DNAH1: variants seen among roughly 807,000 people sequenced by gnomAD.
DNAH1 encodes the protein axonemal beta dynein heavy chain 1.
A neutral mutation model predicts 484.3 loss-of-function variants in DNAH1; 327 were observed. That is an observed-to-expected ratio of 0.68 (90% CI 0.62 to 0.74). DNAH1 has a LOEUF of 0.74. Among genes scored for constraint, DNAH1 ranks in the 30% least tolerant of loss-of-function variants. The probability of loss-of-function intolerance (pLI) is 0.00; values close to 1 mark genes in which losing one functional copy is unlikely to be tolerated. For synonymous variants in DNAH1, 2,192 were observed against 2,191.9 expected, an observed-to-expected ratio of 1.00 and a Z score of 0.00; for missense variants, 5,052 against 5,546.8, an observed-to-expected ratio of 0.91 and a Z score of 2.83.
chr3:52,322,347 A>G (rs1701177656), intron 1 of DNAH1, 62 bp from the exon 2 acceptor site: 2 of 1,168,910 alleles, frequency 1.7e-6, no homozygotes, highest in Non-Finnish European at 2.4e-6. Context: ...CTAGGCATCC[A>G]TGTGTCTCGG....
chr3:52,360,665 G>A (rs1702816779), intron 28 of DNAH1, among the ~76,000 whole-genome samples: 1 of 152,214 alleles, frequency 6.6e-6, no homozygotes. Context: ...CGGTGGTAAT[G>A]AGAATTTCAT....
intron 48 of DNAH1, among the ~76,000 whole-genome samples, chr3:52,380,377 A>G (rs577624878): frequency 6.6e-6 from 1 of 151,892 alleles, no homozygotes; most frequent in Admixed American, 6.5e-5. Context: ...CTCTAGACAC[A>G]GGGGCAATCA....
intron 2 of DNAH1, among the ~76,000 whole-genome samples, chr3:52,323,332 AAG>A (rs1465665645): frequency 7.2e-5 from 11 of 151,866 alleles, no homozygotes; most frequent in South Asian, 2.1e-4. Context: ...GGGCAGGGAA[AAG>A]AGAGGGGGGA....
chr3:52,340,634 C>T (rs1324401566), intron 8 of DNAH1, among the ~76,000 whole-genome samples: 1 of 151,318 alleles, frequency 6.6e-6, no homozygotes, highest in African/African-American at 2.4e-5. Flanking sequence ...GGGGCTTCAC[C>T]ATGTTGGCCA....
chr3:52,327,652 C>T (rs1202016013), intron 5 of DNAH1, among the ~76,000 whole-genome samples: 1 of 152,128 alleles, frequency 6.6e-6, no homozygotes, highest in South Asian at 2.1e-4. Flanking sequence ...AGGGTTTCAC[C>T]CAACCAGATG....
chr3:52,384,969 C>T lies in DNAH1; in HGVS notation c.8506C>T (p.Leu2836Phe), dbSNP rs1704035224. The T allele has an allele frequency of 1.2e-6, 2 of 1,612,480 alleles. No individual in the cohort carries two copies. Among genetic ancestry groups the T allele is most frequent in the Admixed American group, 1.7e-5 (1 of 59,860 alleles). ...TGCCAAGAACCGCATGAAGAGCGGC[C>T]TCGACAAGGTGGGCCCAGGCGAGTC... The part of the protein sequence containing the change: ...KTAKNRMKSG[L>F]DKLLRTSEDV... Residue 2836 changes from leucine (L) to phenylalanine (F), a missense_variant, in exon 53 of 78, where the codon CTC becomes TTC. Physicochemically the swap from Leu to Phe is conservative, Grantham distance 22 (BLOSUM62 0). Transcript: ENST00000420323.
In DNAH1 at chr3:52,349,374, C is replaced by A. The variant is rs762854710; in HGVS notation, c.2480C>A (p.Ser827Tyr). Residue 827 changes from serine to tyrosine, a missense_variant, in exon 14 of 78, where the codon TCC becomes TAC. Ser to Tyr is a moderately radical substitution (Grantham distance 144). Around this residue, in one of 4 missense-constraint regions of DNAH1, gnomAD observed 1,263 missense variants for 1,218.8 expected, o/e 1.04. Coordinates refer to ENST00000420323, the MANE Select transcript of DNAH1 (RefSeq NM_015512.5). ...AAGAAACGCAAGGCCCTGGCCACTT[C>A]CGTGCTGGACATCCTTGCCAAGAAC... ...LSKKRKALAT[S>Y]VLDILAKNLH... The A allele has an allele frequency of 6.2e-7, 1 of 1,613,998 alleles. No homozygotes were observed. The highest frequency in any genetic ancestry group is 1.7e-5 in the Admixed American group (1 of 60,028).
chr3:52,400,269 C>T, intron 77 of DNAH1, 56 bp from the exon 78 acceptor site: 1 of 1,606,110 alleles, frequency 6.2e-7, no homozygotes, highest in Non-Finnish European at 8.5e-7. Flanking sequence ...CCTACGCTAT[C>T]CCTGCTAGTA....
At chr3:52,354,755 C>T (rs928075357) in intron 20 of DNAH1, 88 bp from the exon 21 acceptor site, 5 of 1,353,188 alleles carry the variant, frequency 3.7e-6, no homozygotes, top group African/African-American at 1.4e-5. Context: ...TGGCCAGGTA[C>T]TGTCTGCTGC....
At position 52,388,895 on chromosome 3, in the gene DNAH1, C is replaced by T; in HGVS notation, c.9453C>T (p.Val3151=). 6.2e-7 allele frequency: 1 copy of T among 1,612,582 alleles called. No individual in the cohort carries two copies. The highest frequency in any genetic ancestry group is 8.5e-7 in the Non-Finnish European group (1 of 1,178,948). ...TGCTCAACAACATCTCCGGCGATGT[C>T]CTGGTGGCCGCTGGCTTTGTGGCCT... is the stretch of plus-strand genomic sequence containing the variant. ...QYMLNNISGD[V]LVAAGFVAYL... The change falls in exon 59 of 78, where the codon GTC becomes GTT. Residue 3151 remains valine, a synonymous_variant. Transcript: ENST00000420323.
intron 44 of DNAH1, chr3:52,374,429 C>T (rs1182449724): frequency 6.0e-5 from 80 of 1,327,406 alleles, no homozygotes; most frequent in Non-Finnish European, 5.4e-6. Flanking sequence ...TGACACTTCT[C>T]AAATGCTGGC....
In DNAH1 at chr3:52,388,297, A is replaced by G; in HGVS notation, c.9134A>G (p.Lys3045Arg). ...SICQWVRAMH[K>R]YHFVAKAVEP... Reference sequence around the variant, plus strand: ...TGCCAGTGGGTGCGCGCCATGCACAAGTACCACTTTGTGGCCAAGGCCGTG... The same window carrying G: ...TGCCAGTGGGTGCGCGCCATGCACAGGTACCACTTTGTGGCCAAGGCCGTG... The change falls in exon 57 of 78, where the codon AAG (lysine) becomes AGG (arginine). Residue 3045 changes from lysine (K) to arginine (R), a missense_variant. Coordinates refer to ENST00000420323, the MANE Select transcript of DNAH1 (RefSeq NM_015512.5). 1.2e-6 allele frequency: 2 copies of G among 1,602,642 alleles called. No individual in the cohort carries two copies. Among genetic ancestry groups the G allele is most frequent in the Non-Finnish European group, 8.5e-7 (1 of 1,174,770 alleles).
chr3:52,361,295 A>G lies in DNAH1; in HGVS notation c.4817A>G (p.Asn1606Ser), dbSNP rs370587491. Residue 1606 changes from asparagine to serine, a missense_variant, in exon 29 of 78, where the codon AAC (asparagine) becomes AGC (serine). Transcript: ENST00000420323. This position sits in a 1 kb window ranked among gnomAD's most constrained non-coding sequence, Gnocchi z 5.6. ...KALAIQTVVFNCSDQLDFMAM... is the reference protein window; with the variant it reads ...KALAIQTVVFSCSDQLDFMAM... ...TTGGCCATACAGACCGTTGTGTTCA[A>G]CTGCTCTGACCAGCTCGACTTCATG... The G allele has an allele frequency of 6.2e-7, 1 of 1,610,122 alleles. No individual in the cohort carries two copies. The highest frequency in any genetic ancestry group is 8.5e-7 in the Non-Finnish European group (1 of 1,178,348).
chr3:52,381,715 A>G lies in DNAH1; in HGVS notation c.7684A>G (p.Met2562Val), dbSNP rs1043256830. The change falls in exon 49 of 78, where the codon ATG (methionine) becomes GTG (valine). Residue 2562 changes from methionine to valine, a missense_variant. Coordinates refer to ENST00000420323, the MANE Select transcript of DNAH1 (RefSeq NM_015512.5). This position sits in a 1 kb window ranked among gnomAD's most constrained non-coding sequence, Gnocchi z 4.1. ...GGCCAAGCTGAAGCTGGTCCTCTTC[A>G]TGGACGCCATGAGCCACATCTGTCG... is the stretch of plus-strand genomic sequence containing the variant. ...NTAKLKLVLF[M>V]DAMSHICRIS... 7.5e-6 allele frequency: 12 copies of G among 1,606,434 alleles called. No individual in the cohort carries two copies. The highest frequency in any genetic ancestry group is 1.0e-5 in the Non-Finnish European group (12 of 1,177,128).
intron 53 of DNAH1, 78 bp downstream of exon 53, chr3:52,385,055 A>T: frequency 6.8e-7 from 1 of 1,472,702 alleles, no homozygotes; most frequent in Non-Finnish European, 9.1e-7. Flanking sequence ...CTCCAGGGTG[A>T]CACCATGCTC....
At chr3:52,390,748 G>T (rs1227205529) in intron 60 of DNAH1, among the ~76,000 whole-genome samples, 187 bp from the exon 61 acceptor site, 1 of 152,232 alleles carries the variant, frequency 6.6e-6, no homozygotes, top group Non-Finnish European at 1.5e-5. Context: ...CAGCCCAGGA[G>T]CGAGGGAGAG....
chr3:52,374,939 A>T, intron 44 of DNAH1: 1 of 559,276 alleles, frequency 1.8e-6, no homozygotes, highest in South Asian at 1.7e-5. Context: ...AAATGTTTTT[A>T]TAAGATAGGA....
intron 35 of DNAH1, 48 bp downstream of exon 35, chr3:52,366,596 AGG>A: frequency 6.4e-7 from 1 of 1,560,846 alleles, no homozygotes; most frequent in Non-Finnish European, 8.7e-7. Flanking sequence ...GTGGGCCTGT[AGG>A]GGGGTGCAGC....
At position 52,323,822 on chromosome 3, in the gene DNAH1, C is replaced by A. The variant is rs779186461; in HGVS notation, c.348C>A (p.Gly116=). ...TLDQLGEVCR[G]PRMSQNLLRQ... is the part of the protein sequence containing the mutation. ...TTTGGTTTCAGGAGGTATGTCGTGG[C>A]CCCCGAATGAGCCAGAACCTCCTGC... is the stretch of plus-strand genomic sequence containing the variant. Residue 116 remains glycine (G), a synonymous_variant, in exon 3 of 78, where the codon GGC becomes GGA. Coordinates refer to ENST00000420323, the MANE Select transcript of DNAH1 (RefSeq NM_015512.5). 8.2e-6 allele frequency: 13 copies of A among 1,590,402 alleles called. No homozygotes were observed. The highest frequency in any genetic ancestry group is 1.3e-5 in the African/African-American group (1 of 74,360).
Sources: gnomAD v4.1 joint callset for allele counts (sites outside exome capture counted in the v4.1 genomes callset) on GRCh38, gnomAD v4.1.1 for gene constraint, gnomAD v4.1.1 regional missense constraint, Gnocchi (gnomAD v3.1) non-coding constraint, MANE v1.5 for transcripts, NCBI Gene and HGNC (gene_info 2026-07-23, HGNC 2026-07-21) for gene names.